The following PDE5A variants were observed in gnomAD, a reference collection of about 807,000 sequenced individuals.
PDE5A encodes cGMP-specific 3',5'-cyclic phosphodiesterase.
A neutral mutation model predicts 110.2 loss-of-function variants in PDE5A; 67 were observed. The observed-to-expected ratio is 0.61, with a 90% CI of 0.50 to 0.75. The LOEUF is 0.75. Among genes scored for constraint, PDE5A ranks in the 30% least tolerant of loss-of-function variants. PDE5A has a pLI of 0.00. For missense variants in PDE5A, 862 were observed against 1,045.1 expected (o/e 0.82, Z 2.42); for synonymous variants, 328 against 351.2 (o/e 0.93, Z 0.74).
At chr4:119,567,334 A>T (rs914703763) in intron 3 of PDE5A, among the ~76,000 whole-genome samples, 190 bp from the exon 4 acceptor site, 3 of 152,182 alleles carry the variant, frequency 2.0e-5, no homozygotes, top group African/African-American at 7.2e-5. Context: ...TCATCCTAAT[A>T]AGAATTCGAA....
At chr4:119,545,768 A>G (rs1031610919) in intron 9 of PDE5A, among the ~76,000 whole-genome samples, 1 of 152,172 alleles carries the variant, frequency 6.6e-6, no homozygotes, top group African/African-American at 2.4e-5. Flanking sequence ...TTGGCAGAAC[A>G]GGGGGTCAAT....
At chr4:119,551,457 G>T (rs1334800573) in intron 9 of PDE5A, among the ~76,000 whole-genome samples, 1 of 152,162 alleles carries the variant, frequency 6.6e-6, no homozygotes, top group Non-Finnish European at 1.5e-5. Flanking sequence ...GTGCTAAGCT[G>T]ATGTATTCCT....
chr4:119,532,494 T>A (rs1726578640), intron 11 of PDE5A, among the ~76,000 whole-genome samples: 1 of 152,072 alleles, frequency 6.6e-6, no homozygotes, highest in Non-Finnish European at 1.5e-5. Context: ...TTTGTTCAAC[T>A]TTTTATCATT....
At chr4:119,606,167 C>A (rs1442579607) in intron 2 of PDE5A, among the ~76,000 whole-genome samples, 1 of 151,926 alleles carries the variant, frequency 6.6e-6, no homozygotes, top group Non-Finnish European at 1.5e-5. Flanking sequence ...CAAAAATTTC[C>A]ATTTTTTTGA....
At chr4:119,604,888 A>G (rs1395406956) in intron 2 of PDE5A, among the ~76,000 whole-genome samples, 2 of 151,588 alleles carry the variant, frequency 1.3e-5, no homozygotes, top group African/African-American at 4.9e-5. Flanking sequence ...TTTTGCACCA[A>G]CCTAATACTT....
intron 7 of PDE5A, 53 bp from the exon 8 acceptor site, chr4:119,553,799 G>A (rs962020195): frequency 3.1e-5 from 27 of 872,466 alleles, no homozygotes; most frequent in Non-Finnish European, 4.8e-5. Context: ...AAAAGCATGG[G>A]CAAACAGTTA....
chr4:119,548,813 A>G lies in PDE5A; in HGVS notation c.1396+3737T>C, dbSNP rs992025203. The G allele has an allele frequency of 2.0e-5, 3 of 152,220 alleles. No homozygotes were observed. In the Middle Eastern group the frequency reaches 0.01, roughly 518 times the overall value. The allele number at this position is 152,220 out of a possible 1,614,324, so 9.4% of individuals were successfully genotyped here. ...ACCTATTACTGCCCTTACACCCTAC[A>G]GTCTTATTTCCTTGTGCTCATTATA... is the stretch of plus-strand genomic sequence containing the variant. On this transcript the variant is annotated intron_variant, in intron 9 of 20. Coordinates refer to ENST00000354960, the MANE Select transcript of PDE5A (RefSeq NM_001083.4).
In PDE5A at chr4:119,596,604, C is replaced by T. The variant is rs1250679595; in HGVS notation, c.750G>A (p.Arg250=). ...LNIKDAYEDP[R]FNAEVDQITG... ...TAATTTGGTCAACTTCTGCATTGAA[C>T]CGAGGATCCTAGTATGGAAAAAGAA... The change falls in exon 3 of 21, where the codon CGG becomes CGA. Residue 250 remains arginine (R), a synonymous_variant. Transcript: ENST00000354960. 11 of 1,575,074 alleles carry T rather than the reference C, an allele frequency of 7.0e-6. No individual in the cohort carries two copies. Among genetic ancestry groups the T allele is most frequent in the Admixed American group, 1.8e-5 (1 of 56,824 alleles).
intron 9 of PDE5A, chr4:119,543,045 TAC>T (rs70944890): frequency 0.028 from 3,507 of 124,442 alleles, 62 homozygotes; most frequent in Admixed American, 0.039. Context: ...AAGTTAAACA[TAC>T]ACACACACAC....
intron 9 of PDE5A, chr4:119,549,818 G>C (rs1046303488): frequency 1.3e-5 from 2 of 152,134 alleles, no homozygotes; most frequent in Non-Finnish European, 2.9e-5. Flanking sequence ...GAAAACATTT[G>C]ATACGAAACA....
intron 16 of PDE5A, among the ~76,000 whole-genome samples, 154 bp from the exon 17 acceptor site, chr4:119,506,086 CTTT>C (rs1725544742): frequency 6.6e-6 from 1 of 151,688 alleles, no homozygotes; most frequent in African/African-American, 2.4e-5. Context: ...ATTTACAAAT[CTTT>C]AATACCTCAC....
intron 11 of PDE5A, among the ~76,000 whole-genome samples, chr4:119,529,043 C>T (rs1726431573): frequency 6.6e-6 from 1 of 152,036 alleles, no homozygotes; most frequent in Non-Finnish European, 1.5e-5. Flanking sequence ...GGGTTAGACT[C>T]AATATGTGGT....
intron 3 of PDE5A, among the ~76,000 whole-genome samples, chr4:119,579,216 T>A (rs993280540): frequency 2.4e-4 from 37 of 151,936 alleles, no homozygotes; most frequent in Admixed American, 2.4e-3. Flanking sequence ...TGTGGAGAAA[T>A]AGGAACACTT....
intron 20 of PDE5A, chr4:119,500,312 T>A (rs1283702943): frequency 6.6e-6 from 1 of 151,344 alleles, no homozygotes; most frequent in Non-Finnish European, 1.5e-5. Context: ...CTCCTTCCTT[T>A]CCCTGTCAGC....
chr4:119,502,086 G>T (rs910032511), intron 19 of PDE5A, among the ~76,000 whole-genome samples: 1 of 152,050 alleles, frequency 6.6e-6, no homozygotes, highest in East Asian at 1.9e-4. Context: ...TTTCCTCCAT[G>T]TTTCTTTTGG....
intron 1 of PDE5A, chr4:119,628,189 TG>T (rs1368634286): frequency 3.9e-6 from 1 of 257,228 alleles, no homozygotes; most frequent in Non-Finnish European, 6.2e-6. Flanking sequence ...GATTGGATTT[TG>T]GGGAACCAGA....
intron 11 of PDE5A, among the ~76,000 whole-genome samples, chr4:119,530,345 G>A (rs544024229): frequency 4.6e-5 from 7 of 152,150 alleles, no homozygotes; most frequent in African/African-American, 1.7e-4. Flanking sequence ...TAGTACTGAT[G>A]TAGCCAAAAC....
At chr4:119,540,964 G>C (rs1484503471) in intron 10 of PDE5A, among the ~76,000 whole-genome samples, 2 of 152,088 alleles carry the variant, frequency 1.3e-5, no homozygotes, top group African/African-American at 4.8e-5. Context: ...CTGAAAGAGA[G>C]CTACAAAGAT....
At chr4:119,615,213 C>T (rs1481692776) in intron 1 of PDE5A, among the ~76,000 whole-genome samples, 2 of 152,086 alleles carry the variant, frequency 1.3e-5, no homozygotes, top group Non-Finnish European at 2.9e-5. Flanking sequence ...TTCTTTTTGC[C>T]CTTCAACTTC....
Sources: gnomAD v4.1 joint callset for allele counts (sites outside exome capture counted in the v4.1 genomes callset) on GRCh38, gnomAD v4.1.1 for gene constraint, MANE v1.5 for transcripts, NCBI Gene and HGNC (gene_info 2026-07-23, HGNC 2026-07-21) for gene names.